The following SLC45A2 variants were observed in gnomAD, a reference collection of about 807,000 sequenced individuals.
SLC45A2 encodes membrane-associated transporter protein.
In SLC45A2, 36 loss-of-function variants were observed where a neutral mutation model predicts 45.5. The observed-to-expected ratio is 0.79, with a 90% CI of 0.61 to 1.04. The LOEUF (loss-of-function observed/expected upper bound fraction) is 1.04. SLC45A2 is among the 50% of genes least tolerant of loss of function. The pLI is 0.00. For missense variants in SLC45A2, 719 were observed against 671.0 expected, an observed-to-expected ratio of 1.07 and a Z score of -0.79; for synonymous variants, 306 against 269.3, an observed-to-expected ratio of 1.14 and a Z score of -1.33.
chr5:33,958,115 G>T (rs974994130), intron 3 of SLC45A2, among the ~76,000 whole-genome samples: 2 of 152,078 alleles, frequency 1.3e-5, no homozygotes, highest in African/African-American at 4.8e-5. Context: ...AAGCGAAAAA[G>T]GTACAGAGTC....
chr5:33,947,447 T>C, intron 5 of SLC45A2, 73 bp from the exon 6 acceptor site: 1 of 1,362,088 alleles, frequency 7.3e-7, no homozygotes, highest in Non-Finnish European at 1.0e-6. Context: ...GACAATCCTT[T>C]CTTCTGAAGA....
chr5:33,961,238 T>C (rs923077792), intron 3 of SLC45A2, among the ~76,000 whole-genome samples: 1 of 152,122 alleles, frequency 6.6e-6, no homozygotes, highest in African/African-American at 2.4e-5. Flanking sequence ...TGGATTAATA[T>C]CAAAAACAAA....
At chr5:33,980,087 A>T (rs1046673814) in intron 2 of SLC45A2, among the ~76,000 whole-genome samples, 2 of 152,184 alleles carry the variant, frequency 1.3e-5, no homozygotes, top group African/African-American at 4.8e-5. Flanking sequence ...CCTTGTAATT[A>T]ATTTCAACAA....
At chr5:33,971,915 C>G in intron 2 of SLC45A2, 1 of 373,360 alleles carries the variant, frequency 2.7e-6, no homozygotes, top group Admixed American at 3.1e-5. Flanking sequence ...GTGAGAGCTA[C>G]CACACCCAGT....
intron 2 of SLC45A2, among the ~76,000 whole-genome samples, chr5:33,964,721 C>T (rs1752554514): frequency 6.6e-6 from 1 of 152,186 alleles, no homozygotes; most frequent in South Asian, 2.1e-4. Context: ...AACATTGTGT[C>T]ACTTGAGGGA....
At position 33,947,328 on chromosome 5, in the gene SLC45A2, G is replaced by A; in HGVS notation, c.1203C>T (p.Tyr401=). The A allele has an allele frequency of 6.2e-7, 1 of 1,614,212 alleles. No homozygotes were observed. The highest frequency in any genetic ancestry group is 8.5e-7 in the Non-Finnish European group (1 of 1,180,038). ...GGCCAAACAGCAAATATCCCGTGAAGTAAAGACCCTTTAATCCAATGTAGG... is the reference window on the plus strand; with the variant it reads ...GGCCAAACAGCAAATATCCCGTGAAATAAAGACCCTTTAATCCAATGTAGG... ...LVSYIGLKGL[Y]FTGYLLFGLG... The change falls in exon 6 of 7, where the codon TAC becomes TAT. Residue 401 remains tyrosine (Y), a synonymous_variant. Transcript: ENST00000296589.
At chr5:33,966,439 T>G (rs1288385468) in intron 2 of SLC45A2, among the ~76,000 whole-genome samples, 3 of 144,174 alleles carry the variant, frequency 2.1e-5, no homozygotes, top group South Asian at 4.6e-4. Context: ...TTTTTTTTTT[T>G]TTTTTTTTTT....
chr5:33,961,239 CAA>C (rs929034825), intron 3 of SLC45A2, among the ~76,000 whole-genome samples: 2 of 152,074 alleles, frequency 1.3e-5, no homozygotes, highest in South Asian at 4.2e-4. Context: ...GGATTAATAT[CAA>C]AAACAAAAAA....
intron 3 of SLC45A2, among the ~76,000 whole-genome samples, chr5:33,958,869 G>C (rs931060494): frequency 2.0e-5 from 3 of 152,178 alleles, no homozygotes; most frequent in Admixed American, 6.5e-5. Context: ...GAGTGGATGG[G>C]ACGACCCCTG....
intron 6 of SLC45A2, among the ~76,000 whole-genome samples, chr5:33,945,430 A>C (rs374489917): frequency 9.8e-5 from 15 of 152,330 alleles, no homozygotes; most frequent in African/African-American, 3.4e-4. Context: ...AATCTTTCAA[A>C]ATATGGTTGC....
At chr5:33,950,387 T>A (rs1752063975) in intron 5 of SLC45A2, among the ~76,000 whole-genome samples, 1 of 152,216 alleles carries the variant, frequency 6.6e-6, no homozygotes, top group African/African-American at 2.4e-5. Context: ...GAAAAGAGTT[T>A]GCTAAATAAA....
intron 2 of SLC45A2, among the ~76,000 whole-genome samples, chr5:33,969,610 G>C (rs745787982): frequency 6.6e-6 from 1 of 152,176 alleles, no homozygotes; most frequent in Non-Finnish European, 1.5e-5. Context: ...GGCTGCGAAG[G>C]CATCGAGAGT....
At chr5:33,958,411 C>T (rs573912970) in intron 3 of SLC45A2, among the ~76,000 whole-genome samples, 1 of 152,254 alleles carries the variant, frequency 6.6e-6, no homozygotes, top group South Asian at 2.1e-4. Context: ...TGGAGACCTC[C>T]CAGGGCACAC....
chr5:33,980,977 G>C (rs1210423898), intron 2 of SLC45A2, among the ~76,000 whole-genome samples: 1 of 152,240 alleles, frequency 6.6e-6, no homozygotes, highest in Non-Finnish European at 1.5e-5. Context: ...GGGCAGGTAT[G>C]ATGGGCTGGG....
intron 2 of SLC45A2, chr5:33,972,349 GA>G (rs1396173782): frequency 1.3e-5 from 5 of 377,318 alleles, no homozygotes; most frequent in East Asian, 1.4e-4. Context: ...AGATTAGATA[GA>G]AAAAAATACA....
chr5:33,973,556 G>A (rs990151790), intron 2 of SLC45A2, among the ~76,000 whole-genome samples: 13 of 152,234 alleles, frequency 8.5e-5, no homozygotes, highest in African/African-American at 1.9e-4. Context: ...TTTCAATTTC[G>A]TTTTTAAGAC....
intron 5 of SLC45A2, chr5:33,951,290 C>T: frequency 1.1e-6 from 1 of 885,650 alleles, no homozygotes; most frequent in Non-Finnish European, 1.6e-6. Flanking sequence ...TGTAAAGATT[C>T]CCTTTCATTT....
At chr5:33,980,473 A>C (rs1753044324) in intron 2 of SLC45A2, among the ~76,000 whole-genome samples, 1 of 152,226 alleles carries the variant, frequency 6.6e-6, no homozygotes, top group African/African-American at 2.4e-5. Context: ...AAAAATGGGA[A>C]TCACACCACT....
intron 2 of SLC45A2, among the ~76,000 whole-genome samples, chr5:33,964,506 G>A (rs953910850): frequency 1.3e-5 from 2 of 152,162 alleles, no homozygotes; most frequent in African/African-American, 4.8e-5. Flanking sequence ...TTCCTGGGAT[G>A]ACGTAAGCTT....
Sources: gnomAD v4.1 joint callset for allele counts (sites outside exome capture counted in the v4.1 genomes callset) on GRCh38, gnomAD v4.1.1 for gene constraint, MANE v1.5 for transcripts, NCBI Gene and HGNC (gene_info 2026-07-23, HGNC 2026-07-21) for gene names.